SEC23IP: variants seen among roughly 807,000 people sequenced by gnomAD.
The protein encoded by SEC23IP is SEC23-interacting protein.
Under a neutral mutation model 113.4 loss-of-function variants are expected in SEC23IP, and 70 were observed. The ratio of observed to expected loss-of-function variants is 0.62; its 90% CI spans 0.51 to 0.75. SEC23IP has a LOEUF of 0.75. Ranked by LOEUF, SEC23IP falls within the 30% of genes least tolerant of loss-of-function variation. The probability of loss-of-function intolerance (pLI) is 0.00; values close to 1 mark genes in which losing one functional copy is unlikely to be tolerated. For synonymous variants in SEC23IP, 398 were observed against 421.0 expected, an observed-to-expected ratio of 0.95 and a Z score of 0.67; for missense variants, 1,160 against 1,204.9, an observed-to-expected ratio of 0.96 and a Z score of 0.55.
chr10:119,918,323 A>G, intron 9 of SEC23IP, 70 bp from the exon 10 acceptor site: 2 of 913,318 alleles, frequency 2.2e-6, no homozygotes, highest in Non-Finnish European at 3.5e-6. Context: ...TTGACTATAG[A>G]CAGTGAAAAA....
At chr10:119,913,723 A>T (rs1196745125) in intron 6 of SEC23IP, among the ~76,000 whole-genome samples, 1 of 151,584 alleles carries the variant, frequency 6.6e-6, no homozygotes, top group Non-Finnish European at 1.5e-5. Context: ...AACTCCTGAC[A>T]TCAAGTGATC....
At chr10:119,896,048 G>C (rs1854274111) in intron 1 of SEC23IP, among the ~76,000 whole-genome samples, 1 of 152,230 alleles carries the variant, frequency 6.6e-6, no homozygotes, top group Non-Finnish European at 1.5e-5. Flanking sequence ...GTTGACTGTA[G>C]CAAGAGGATT....
intron 7 of SEC23IP, 119 bp downstream of exon 7, chr10:119,914,938 G>C (rs1854999502): frequency 1.1e-6 from 1 of 901,208 alleles, no homozygotes; most frequent in Middle Eastern, 2.3e-4. Context: ...GTCTGTAAGA[G>C]GAAATTTAAA....
chr10:119,921,095 A>G, intron 12 of SEC23IP, 111 bp downstream of exon 12: 2 of 690,596 alleles, frequency 2.9e-6, no homozygotes, highest in East Asian at 2.8e-5. Context: ...TTTGCTCCCT[A>G]CCTAGGGCAC....
rs747183944 is a variant in SEC23IP, at chr10:119,892,849, C to A, written c.67C>A (p.Leu23Ile). ...ASTSSSGTNL[L>I]FSSSATEFSF... ...CACTTCCTCATCGGGCACTAACTTA[C>A]TTTTCTCCTCCTCGGCCACGGAGTT... Residue 23 changes from leucine to isoleucine, a missense_variant, in exon 1 of 19, where the codon CTT (leucine) becomes ATT (isoleucine). Leu to Ile is a conservative substitution (Grantham distance 5). Transcript: ENST00000369075. The A allele has an allele frequency of 6.2e-7, 1 of 1,614,096 alleles. No homozygotes were observed. The highest frequency in any genetic ancestry group is 8.5e-7 in the Non-Finnish European group (1 of 1,179,986).
At position 119,903,021 on chromosome 10, in the gene SEC23IP, T is replaced by C; in HGVS notation, c.907+12T>C. ...AATCTATAATTCAGGTAAACATTGG[T>C]CATACATCATTCATATCTGATTTTA... On this transcript the variant is annotated intron_variant, in intron 3 of 18. Coordinates refer to ENST00000369075, the MANE Select transcript of SEC23IP (RefSeq NM_007190.4). 1 of 1,588,008 alleles carries C rather than the reference T, an allele frequency of 6.3e-7. No homozygotes were observed. The highest frequency in any genetic ancestry group is 1.1e-5 in the South Asian group (1 of 90,148).
chr10:119,926,674 A>T (rs562724674), intron 13 of SEC23IP, among the ~76,000 whole-genome samples: 1 of 152,202 alleles, frequency 6.6e-6, no homozygotes, highest in Non-Finnish European at 1.5e-5. Context: ...ATACTTTAAC[A>T]TACTTGTATC....
At chr10:119,916,366 C>T (rs1855052262) in intron 8 of SEC23IP, among the ~76,000 whole-genome samples, 1 of 152,204 alleles carries the variant, frequency 6.6e-6, no homozygotes, top group African/African-American at 2.4e-5. Flanking sequence ...GTAAAGGCCA[C>T]TCAGTACTAG....
chr10:119,909,186 GTA>G, intron 5 of SEC23IP, 56 bp downstream of exon 5: 1 of 1,186,432 alleles, frequency 8.4e-7, no homozygotes, highest in Non-Finnish European at 1.2e-6. Flanking sequence ...ATTTTTCTGT[GTA>G]TGTTTGATAA....
At position 119,930,443 on chromosome 10, in the gene SEC23IP, A is replaced by G. The variant is rs369916703; in HGVS notation, c.2572+12A>G. Reference sequence around the variant, plus strand: ...AAGACTTCATTTAGGTAAAAAGCAAATACTATAAAAACTTTTTTTCCTGTC... The same window carrying G: ...AAGACTTCATTTAGGTAAAAAGCAAGTACTATAAAAACTTTTTTTCCTGTC... On this transcript the variant is annotated intron_variant, in intron 15 of 18. Coordinates refer to ENST00000369075, the MANE Select transcript of SEC23IP (RefSeq NM_007190.4). 41 of 1,525,910 alleles carry G rather than the reference A, an allele frequency of 2.7e-5. No individual in the cohort carries two copies. The African/African-American group carries it at 4.7e-4, about 17-fold the overall frequency. The allele number at this position is 1,525,910 out of a possible 1,614,324, so 94.5% of individuals were successfully genotyped here.
At chr10:119,926,294 G>T in intron 13 of SEC23IP, 67 bp downstream of exon 13, 2 of 1,388,276 alleles carry the variant, frequency 1.4e-6, no homozygotes, top group South Asian at 3.1e-5. Context: ...CATTTGGGTT[G>T]GCTTTAAGTT....
chr10:119,933,129 T>A lies in SEC23IP; in HGVS notation c.2883T>A (p.Asn961Lys). The A allele has an allele frequency of 6.2e-7, 1 of 1,614,140 alleles. No individual in the cohort carries two copies. The highest frequency in any genetic ancestry group is 8.5e-7 in the Non-Finnish European group (1 of 1,179,984). Residue 961 changes from asparagine to lysine, a missense_variant, in exon 17 of 19, where the codon AAT (asparagine) becomes AAA (lysine). By Grantham distance (94) the Asn-to-Lys change is moderately conservative. Coordinates refer to ENST00000369075, the MANE Select transcript of SEC23IP (RefSeq NM_007190.4). ...AAGAAAAACCAATAGAGAGTTTTAA[T>A]GAATACCTTTTCGCTCTTCAGAGTC... ...VLQEKPIESF[N>K]EYLFALQSHL... is the part of the protein sequence containing the mutation.
intron 6 of SEC23IP, among the ~76,000 whole-genome samples, chr10:119,913,407 C>G (rs1012362656): frequency 1.3e-5 from 2 of 152,054 alleles, no homozygotes; most frequent in African/African-American, 4.8e-5. Context: ...CACATGGACT[C>G]TGTTACAAAC....
chr10:119,918,061 T>C lies in SEC23IP; in HGVS notation c.1753+17T>C. 6 of 1,597,996 alleles carry C rather than the reference T, an allele frequency of 3.8e-6. No individual in the cohort carries two copies. The highest frequency in any genetic ancestry group is 1.7e-5 in the Admixed American group (1 of 59,200). On this transcript the variant is annotated intron_variant, in intron 9 of 18. Coordinates refer to ENST00000369075, the MANE Select transcript of SEC23IP (RefSeq NM_007190.4). ...ACAGTTTAGGTAAAACTGTCAAATA[T>C]TCACATTTTAAATACAATTTTTGTT...
chr10:119,918,598 T>TTTTGTTTGTTTGTTTG (rs112954131), intron 10 of SEC23IP, 87 bp downstream of exon 10: 9 of 734,510 alleles, frequency 1.2e-5, no homozygotes, highest in Non-Finnish European at 2.1e-5. Flanking sequence ...TTCTTGAAAC[T>TTTTGTTTGTTTGTTTG]TTTGTTTGTT....
intron 16 of SEC23IP, 31 bp from the exon 17 acceptor site, chr10:119,932,974 G>A: frequency 6.3e-7 from 1 of 1,597,364 alleles, no homozygotes; most frequent in Non-Finnish European, 8.6e-7. Context: ...TTAAGTGATT[G>A]ACTTTGATAT....
intron 4 of SEC23IP, among the ~76,000 whole-genome samples, chr10:119,905,879 A>G (rs1318247796): frequency 6.6e-6 from 1 of 152,228 alleles, no homozygotes; most frequent in East Asian, 1.9e-4. Context: ...TTTATAACAG[A>G]GAGACTATAT....
chr10:119,916,622 C>T (rs1855061893), intron 8 of SEC23IP, among the ~76,000 whole-genome samples: 2 of 152,102 alleles, frequency 1.3e-5, no homozygotes, highest in African/African-American at 4.8e-5. Flanking sequence ...TTTGGTCATT[C>T]TCAAATTAGG....
intron 13 of SEC23IP, 59 bp from the exon 14 acceptor site, chr10:119,929,548 A>G (rs1855526074): frequency 1.3e-6 from 2 of 1,495,098 alleles, no homozygotes; most frequent in African/African-American, 1.4e-5. Flanking sequence ...AATTCAAAAG[A>G]ATTTTCTACT....
Sources: gnomAD v4.1 joint callset for allele counts (sites outside exome capture counted in the v4.1 genomes callset) on GRCh38, gnomAD v4.1.1 for gene constraint, MANE v1.5 for transcripts, NCBI Gene and HGNC (gene_info 2026-07-23, HGNC 2026-07-21) for gene names.